DYDC2: variants seen among roughly 807,000 people sequenced by gnomAD.
DYDC2 encodes the protein DPY30 domain-containing protein 2.
Under a neutral mutation model 18.7 loss-of-function variants are expected in DYDC2, and 19 were observed. That is an observed-to-expected ratio of 1.02 (90% CI 0.71 to 1.49). The LOEUF is 1.49. Ranked by LOEUF, DYDC2 falls within the 40% of genes most tolerant of loss-of-function variation. DYDC2 has a pLI of 0.00. For missense variants in DYDC2, 179 were observed against 205.1 expected, an observed-to-expected ratio of 0.87 and a Z score of 0.78; for synonymous variants, 63 against 67.6, an observed-to-expected ratio of 0.93 and a Z score of 0.34.
chr10:80,358,779 TCTCA>T (rs1354464088), intron 2 of DYDC2, among the ~76,000 whole-genome samples: 12 of 152,212 alleles, frequency 7.9e-5, no homozygotes, highest in Admixed American at 7.2e-4. Flanking sequence ...GGGTTCTTGG[TCTCA>T]CTGAGTTCTA....
chr10:80,356,722 G>C (rs1325219033), upstream of DYDC2: 9 of 985,104 alleles, frequency 9.1e-6, no homozygotes, highest in South Asian at 4.2e-4. Flanking sequence ...CCCTACACAC[G>C]CGCCTGCTCG....
intron 3 of DYDC2, 117 bp downstream of exon 3, chr10:80,362,707 G>A: frequency 6.8e-7 from 1 of 1,461,966 alleles, no homozygotes; most frequent in East Asian, 2.3e-5. Flanking sequence ...TATTTGACTT[G>A]CTCTTAGAGC....
At chr10:80,356,524 G>A (rs1843377371), upstream of DYDC2, 3 of 985,490 alleles carry the variant, frequency 3.0e-6, no homozygotes, top group South Asian at 1.4e-4. Context: ...AGCGCTCCCC[G>A]CTCAGGGGGA....
chr10:80,358,902 G>A (rs1427617478), intron 2 of DYDC2, among the ~76,000 whole-genome samples: 2 of 152,162 alleles, frequency 1.3e-5, no homozygotes, highest in African/African-American at 4.8e-5. Flanking sequence ...TCCTTCTGGT[G>A]GGTTGCTGGT....
At position 80,357,895 on chromosome 10, in the gene DYDC2, C is replaced by T; in HGVS notation, c.-160C>T. On this transcript the variant is annotated splice_region_variant and 5_prime_UTR_variant, in exon 2 of 5. Transcript: ENST00000256039. ...AATAAGTCAAGAAATATTTACAGAG[C>T]TCCCAGTGTGCCAAGCGTGGGCGGT... The T allele has an allele frequency of 1.0e-6, 1 of 985,454 alleles. No individual in the cohort carries two copies. Among genetic ancestry groups the T allele is most frequent in the Non-Finnish European group, 1.2e-6 (1 of 829,936 alleles). The allele number at this position is 985,454 out of a possible 1,614,324, so 61.0% of individuals were successfully genotyped here.
At position 80,358,968 on chromosome 10, in the gene DYDC2, G is replaced by A. The variant is rs370877012; in HGVS notation, c.-10+923G>A. The stretch of plus-strand genomic sequence containing the variant: ...GCAGTGAGTGTTACAGCTCATAAAG[G>A]CAGTGCAGACCCAAACAATGAGCAG... On this transcript the variant is annotated intron_variant, in intron 2 of 4. Transcript: ENST00000256039. Among the ~76,000 whole-genome samples the A allele has an allele frequency of 1.8e-4, 27 of 152,318 alleles. No homozygotes were observed. In the East Asian group the frequency reaches 2.9e-3, roughly 16 times the overall value.
intron 1 of DYDC2, among the ~76,000 whole-genome samples, chr10:80,347,874 G>T (rs1842764243): frequency 6.6e-6 from 1 of 152,132 alleles, no homozygotes; most frequent in South Asian, 2.1e-4. Flanking sequence ...TATAATTCTG[G>T]ATCAAGTAAT....
At chr10:80,356,191 G>T, upstream of DYDC2, 15 of 952,934 alleles carry the variant, frequency 1.6e-5, no homozygotes, top group Non-Finnish European at 1.9e-5. Flanking sequence ...GCATGTTCCT[G>T]TCTGTGAAAC....
intron 2 of DYDC2, among the ~76,000 whole-genome samples, chr10:80,361,787 T>A (rs569838646): frequency 6.6e-6 from 1 of 152,308 alleles, no homozygotes; most frequent in Non-Finnish European, 1.5e-5. Flanking sequence ...GGCTTCTCTG[T>A]CCCCAACGAT....
intron 1 of DYDC2, 71 bp from the exon 2 acceptor site, chr10:80,357,822 G>A (rs1843481337): frequency 1.0e-6 from 1 of 985,460 alleles, no homozygotes; most frequent in Admixed American, 6.1e-5. Flanking sequence ...ATTGGGCGTG[G>A]AAAAATCAAA....
chr10:80,357,229 AGG>A (rs1843439422), intron 1 of DYDC2, among the ~76,000 whole-genome samples: 1 of 65,120 alleles, frequency 1.5e-5, no homozygotes, highest in Non-Finnish European at 3.0e-5. Flanking sequence ...GGCGCGCTCC[AGG>A]GGGCGGGGTC....
intron 1 of DYDC2, among the ~76,000 whole-genome samples, chr10:80,348,716 T>C (rs1472737433): frequency 6.6e-6 from 1 of 152,216 alleles, no homozygotes; most frequent in Non-Finnish European, 1.5e-5. Context: ...AAGTAATGCA[T>C]GCTAAAAGGC....
At chr10:80,358,956 C>T (rs1219929868) in intron 2 of DYDC2, among the ~76,000 whole-genome samples, 4 of 152,188 alleles carry the variant, frequency 2.6e-5, no homozygotes, top group African/African-American at 9.7e-5. Flanking sequence ...GTGAGTGTTA[C>T]AGCTCATAAA....
intron 2 of DYDC2, among the ~76,000 whole-genome samples, chr10:80,359,333 C>T (rs1564672510): frequency 6.6e-6 from 1 of 152,172 alleles, no homozygotes; most frequent in East Asian, 1.9e-4. Flanking sequence ...ATTTACAAAC[C>T]TTGAGCTAGA....
chr10:80,363,634 C>T (rs1183025385), intron 4 of DYDC2, among the ~76,000 whole-genome samples: 1 of 151,926 alleles, frequency 6.6e-6, no homozygotes, highest in African/African-American at 2.4e-5. Flanking sequence ...AGGCGTGAGC[C>T]ACCACGCCCA....
At chr10:80,358,903 G>A (rs563871464) in intron 2 of DYDC2, among the ~76,000 whole-genome samples, 29 of 152,278 alleles carry the variant, frequency 1.9e-4, no homozygotes, top group Non-Finnish European at 3.8e-4. Flanking sequence ...CCTTCTGGTG[G>A]GTTGCTGGTC....
intron 1 of DYDC2, among the ~76,000 whole-genome samples, chr10:80,346,522 G>A (rs1156606023): frequency 1.4e-4 from 20 of 141,206 alleles, no homozygotes; most frequent in Middle Eastern, 3.8e-3. Flanking sequence ...GTGCAGTGGC[G>A]CGATCTCAGC....
intron 2 of DYDC2, among the ~76,000 whole-genome samples, chr10:80,358,539 A>T (rs117712274): frequency 5.7e-4 from 87 of 152,238 alleles, no homozygotes; most frequent in Middle Eastern, 6.8e-3. Flanking sequence ...GAGTAGGGGG[A>T]GGTATGCCAA....
At chr10:80,362,285 A>G in intron 2 of DYDC2, 150 bp from the exon 3 acceptor site, 1 of 1,136,862 alleles carries the variant, frequency 8.8e-7, no homozygotes. Context: ...TATAACAGCA[A>G]GTAAGTGTTT....
Sources: allele counts gnomAD v4.1 joint callset (sites outside exome capture counted in the v4.1 genomes callset), GRCh38; gene constraint gnomAD v4.1.1; transcripts MANE v1.5; gene names NCBI Gene and HGNC (gene_info 2026-07-23, HGNC 2026-07-21).